The following TMPRSS7 variants were observed in gnomAD, a reference collection of about 807,000 sequenced individuals.
TMPRSS7 encodes the protein transmembrane serine protease 7.
In TMPRSS7, 81 loss-of-function variants were observed where a neutral mutation model predicts 95.6. The ratio of observed to expected loss-of-function variants is 0.85; its 90% CI spans 0.71 to 1.02. TMPRSS7 has a LOEUF of 1.02. TMPRSS7 is among the 50% of genes least tolerant of loss of function. TMPRSS7 has a pLI of 0.00. For missense variants in TMPRSS7, 945 were observed against 955.2 expected (o/e 0.99, Z 0.14); for synonymous variants, 364 against 337.8 (o/e 1.08, Z -0.85).
intron 9 of TMPRSS7, among the ~76,000 whole-genome samples, chr3:112,051,539 CTA>C (rs1407186979): frequency 1.3e-5 from 2 of 150,764 alleles, no homozygotes; most frequent in African/African-American, 4.9e-5. Flanking sequence ...ATCTATCTAT[CTA>C]TCTATCTATC....
intron 2 of TMPRSS7, among the ~76,000 whole-genome samples, chr3:112,041,251 C>T (rs1314226528): frequency 2.0e-5 from 3 of 151,560 alleles, no homozygotes; most frequent in Admixed American, 6.6e-5. Flanking sequence ...CCCCTTACCC[C>T]GTGCTTCCTC....
chr3:112,041,288 C>T (rs372592855), intron 2 of TMPRSS7, among the ~76,000 whole-genome samples: 42 of 152,272 alleles, frequency 2.8e-4, no homozygotes, highest in African/African-American at 9.6e-4. Context: ...CCCTACACTT[C>T]CTAGGGCTAA....
At chr3:112,057,359 T>C (rs2073445415) in intron 10 of TMPRSS7, among the ~76,000 whole-genome samples, 1 of 152,190 alleles carries the variant, frequency 6.6e-6, no homozygotes, top group Non-Finnish European at 1.5e-5. Context: ...GCTGCTGGGC[T>C]ACAGATATGT....
intron 1 of TMPRSS7, among the ~76,000 whole-genome samples, chr3:112,035,202 C>T (rs2073142426): frequency 6.6e-6 from 1 of 152,210 alleles, no homozygotes; most frequent in Non-Finnish European, 1.5e-5. Flanking sequence ...AAGATCCAAA[C>T]TTGGCTTTGT....
intron 3 of TMPRSS7, chr3:112,042,925 A>G (rs1245621620): frequency 2.2e-6 from 1 of 446,082 alleles, no homozygotes; most frequent in African/African-American, 2.0e-5. Flanking sequence ...TTTCCACGGT[A>G]CTGGAGAGGG....
At chr3:112,050,852 A>G in intron 9 of TMPRSS7, 69 bp downstream of exon 9, 1 of 752,420 alleles carries the variant, frequency 1.3e-6, no homozygotes, top group South Asian at 2.2e-5. Flanking sequence ...AATTTCATTC[A>G]TTTTTTAATT....
intron 16 of TMPRSS7, 145 bp downstream of exon 16, chr3:112,077,289 G>A: frequency 2.3e-6 from 2 of 872,536 alleles, no homozygotes; most frequent in Admixed American, 2.9e-5. Flanking sequence ...ATTGGAGGAG[G>A]GTACTGTTAT....
chr3:112,080,527 CACT>C lies in TMPRSS7; in HGVS notation c.2362-369_2362-367del, dbSNP rs34943450. On this transcript the variant is annotated intron_variant, in intron 17 of 17. Transcript: ENST00000452346. ...CTAGCACTAAATAAATTTTAGCCCT[CACT>C]ACTACTACTACTACTACCACCACTA... Among the ~76,000 whole-genome samples the C allele has an allele frequency of 7.0e-3, 1,015 of 146,004 alleles. 12 individuals carry two copies. The highest frequency in any genetic ancestry group is 0.021 in the African/African-American group (824 of 38,562).
intron 9 of TMPRSS7, among the ~76,000 whole-genome samples, chr3:112,055,383 C>T (rs976689599): frequency 6.6e-6 from 1 of 151,888 alleles, no homozygotes; most frequent in Non-Finnish European, 1.5e-5. Flanking sequence ...TTCATTCTCC[C>T]TCAAAGGTAG....
intron 9 of TMPRSS7, among the ~76,000 whole-genome samples, chr3:112,052,803 T>C (rs2073379325): frequency 6.6e-6 from 1 of 152,216 alleles, no homozygotes; most frequent in South Asian, 2.1e-4. Context: ...GTTGACTTCT[T>C]AATAATCCAT....
intron 9 of TMPRSS7, among the ~76,000 whole-genome samples, chr3:112,056,080 T>G (rs1194058249): frequency 6.6e-6 from 1 of 152,110 alleles, no homozygotes; most frequent in Non-Finnish European, 1.5e-5. Context: ...AAGTGGGCAA[T>G]GCTTAAATAA....
At chr3:112,057,833 C>T (rs1318250357) in intron 10 of TMPRSS7, among the ~76,000 whole-genome samples, 1 of 152,128 alleles carries the variant, frequency 6.6e-6, no homozygotes, top group Non-Finnish European at 1.5e-5. Context: ...TCAAGCAATT[C>T]TCCTGCCTCA....
In TMPRSS7 at chr3:112,061,777, G is replaced by T. The variant is rs767847233; in HGVS notation, c.1311-10G>T. Reference sequence around the variant, plus strand: ...AAGCTGTGTATTCTCCCCGACTCTTGTCTCCCCAGGTACTGTGGCTCCTAC... The same window carrying T: ...AAGCTGTGTATTCTCCCCGACTCTTTTCTCCCCAGGTACTGTGGCTCCTAC... On this transcript the variant is annotated splice_polypyrimidine_tract_variant and intron_variant, in intron 10 of 17. Transcript: ENST00000452346. 3.8e-6 allele frequency: 6 copies of T among 1,593,378 alleles called. No individual in the cohort carries two copies. Among genetic ancestry groups the T allele is most frequent in the East Asian group, 2.3e-5 (1 of 43,802 alleles).
chr3:112,081,066 T>C (rs2073773492), exon 18 of TMPRSS7: 1 of 1,605,784 alleles, frequency 6.2e-7, no homozygotes, highest in Non-Finnish European at 8.5e-7. Context: ...TTCATAAATA[T>C]GTCCCTTCTC....
At chr3:112,079,978 C>T (rs914089725) in intron 17 of TMPRSS7, among the ~76,000 whole-genome samples, 2 of 152,126 alleles carry the variant, frequency 1.3e-5, no homozygotes, top group Admixed American at 1.3e-4. Flanking sequence ...GTCGGTTACA[C>T]AGCCCTGTTC....
chr3:112,047,550 A>G (rs2073294859), intron 6 of TMPRSS7, 189 bp from the exon 7 acceptor site: 1 of 671,216 alleles, frequency 1.5e-6, no homozygotes, highest in Non-Finnish European at 2.7e-6. Flanking sequence ...AACTATATAG[A>G]CAGAGTGTGG....
intron 15 of TMPRSS7, among the ~76,000 whole-genome samples, chr3:112,076,533 T>C (rs2073711531): frequency 6.6e-6 from 1 of 152,244 alleles, no homozygotes; most frequent in Admixed American, 6.5e-5. Flanking sequence ...ATAGGAAGAA[T>C]GTAACAAATT....
At chr3:112,061,668 C>A in intron 10 of TMPRSS7, 119 bp from the exon 11 acceptor site, 1 of 1,089,030 alleles carries the variant, frequency 9.2e-7, no homozygotes, top group Non-Finnish European at 1.3e-6. Flanking sequence ...ATTAGCTCTA[C>A]CATACGCATC....
intron 3 of TMPRSS7, 76 bp from the exon 4 acceptor site, chr3:112,044,179 G>A (rs1406661476): frequency 2.0e-6 from 2 of 1,023,088 alleles, no homozygotes; most frequent in Non-Finnish European, 1.5e-6. Flanking sequence ...TCAGAGCTTG[G>A]GCCTACAACA....
Sources: gnomAD v4.1 joint callset for allele counts (sites outside exome capture counted in the v4.1 genomes callset) on GRCh38, gnomAD v4.1.1 for gene constraint, MANE v1.5 for transcripts, NCBI Gene and HGNC (gene_info 2026-07-23, HGNC 2026-07-21) for gene names.